Variants in DLGAP2 observed in about 807,000 individuals in gnomAD.
The protein encoded by DLGAP2 is disks large-associated protein 2.
Under a neutral mutation model 100.3 loss-of-function variants are expected in DLGAP2, and 26 were observed. The observed-to-expected ratio is 0.26, with a 90% CI of 0.19 to 0.36. DLGAP2 has a LOEUF of 0.36. Ranked by LOEUF, DLGAP2 falls within the 10% of genes least tolerant of loss-of-function variation. DLGAP2 has a pLI of 1.00. For synonymous variants in DLGAP2, 886 were observed against 630.1 expected, an observed-to-expected ratio of 1.41 and a Z score of -6.08; for missense variants, 1,858 against 1,453.2, an observed-to-expected ratio of 1.28 and a Z score of -4.53.
At chr8:1,011,877 G>A (rs1333935301) in intron 2 of DLGAP2, among the ~76,000 whole-genome samples, 1 of 152,212 alleles carries the variant, frequency 6.6e-6, no homozygotes, top group Non-Finnish European at 1.5e-5. Context: ...CAGGAGTTGT[G>A]GATGGACGTT....
chr8:1,516,547 ATGAG>A (rs1235612537), intron 4 of DLGAP2, among the ~76,000 whole-genome samples: 10 of 150,636 alleles, frequency 6.6e-5, no homozygotes, highest in Admixed American at 1.3e-4. Context: ...GAGTGCATGA[ATGAG>A]TGAGTGAATG....
At chr8:830,423 C>G (rs1796760013) in intron 1 of DLGAP2, among the ~76,000 whole-genome samples, 1 of 152,170 alleles carries the variant, frequency 6.6e-6, no homozygotes, top group Admixed American at 6.5e-5. Context: ...TTTGGACCCA[C>G]TAACCATCCC....
At chr8:1,587,307 C>G (rs940848006) in intron 6 of DLGAP2, among the ~76,000 whole-genome samples, 1 of 152,170 alleles carries the variant, frequency 6.6e-6, no homozygotes, top group African/African-American at 2.4e-5. Context: ...CTATAGTGGT[C>G]TGCCAGCTTC....
At chr8:1,610,457 C>G (rs1187481059) in intron 6 of DLGAP2, among the ~76,000 whole-genome samples, 5 of 147,000 alleles carry the variant, frequency 3.4e-5, no homozygotes, top group African/African-American at 1.3e-4. Context: ...AAATTGACAC[C>G]CTAACATCAC....
intron 3 of DLGAP2, among the ~76,000 whole-genome samples, chr8:1,450,478 G>T (rs1480572330): frequency 4.0e-5 from 6 of 150,492 alleles, no homozygotes; most frequent in Non-Finnish European, 7.4e-5. Flanking sequence ...GAGCTGTGAG[G>T]GTGAAGATGA....
chr8:1,635,491 T>C (rs1797745269), intron 8 of DLGAP2, among the ~76,000 whole-genome samples: 1 of 152,238 alleles, frequency 6.6e-6, no homozygotes, highest in East Asian at 1.9e-4. Flanking sequence ...GATCCATGTA[T>C]ACATGTGTGT....
chr8:1,051,367 T>C (rs1351298350), intron 2 of DLGAP2, among the ~76,000 whole-genome samples: 1 of 152,056 alleles, frequency 6.6e-6, no homozygotes, highest in Non-Finnish European at 1.5e-5. Context: ...ACAAGATCGT[T>C]TTACCCTCAG....
At chr8:1,467,082 G>A (rs374745898) in intron 3 of DLGAP2, among the ~76,000 whole-genome samples, 3 of 152,238 alleles carry the variant, frequency 2.0e-5, no homozygotes, top group African/African-American at 7.2e-5. Flanking sequence ...CCCGGGACCA[G>A]GATGGTCAGT....
At chr8:1,309,213 CA>C (rs1201651510) in intron 3 of DLGAP2, among the ~76,000 whole-genome samples, 1 of 152,008 alleles carries the variant, frequency 6.6e-6, no homozygotes, top group Non-Finnish European at 1.5e-5. Context: ...CAAAAACATC[CA>C]AAATTTGAGG....
At position 1,496,458 on chromosome 8, in the gene DLGAP2, C is replaced by T. The variant is rs144008228; in HGVS notation, c.107-4908C>T. 5.3e-4 allele frequency among the ~76,000 whole-genome samples: 80 copies of T among 152,272 alleles called. No homozygotes were observed. In the East Asian group the frequency reaches 0.012, roughly 22 times the overall value. ...CACCTGGGCCCGGGCCTCTGAGGAC[C>T]GGTTCTGGGAAGCATCCTGCTTCCT... On this transcript the variant is annotated intron_variant, in intron 3 of 14. Coordinates refer to ENST00000637795, the MANE Select transcript of DLGAP2 (RefSeq NM_001346810.2).
chr8:1,555,639 G>C (rs778327658), intron 5 of DLGAP2, among the ~76,000 whole-genome samples: 2 of 152,150 alleles, frequency 1.3e-5, no homozygotes, highest in East Asian at 3.9e-4. Flanking sequence ...CTGTCTCCCC[G>C]GCTGGACTCC....
intron 3 of DLGAP2, chr8:1,369,369 G>A (rs188035715): frequency 3.9e-5 from 6 of 152,438 alleles, no homozygotes; most frequent in Admixed American, 1.3e-4. Flanking sequence ...CCCTCTGTGT[G>A]TGTGTCTGTG....
At chr8:1,071,855 G>A (rs1160685730) in intron 2 of DLGAP2, among the ~76,000 whole-genome samples, 2 of 152,204 alleles carry the variant, frequency 1.3e-5, no homozygotes, top group African/African-American at 2.4e-5. Context: ...AAAGTGACAT[G>A]TCCTTCTGAC....
rs112394555 is a variant in DLGAP2, at chr8:1,388,608, G to T, written c.107-112758G>T. On this transcript the variant is annotated intron_variant, in intron 3 of 14. Coordinates refer to ENST00000637795, the MANE Select transcript of DLGAP2 (RefSeq NM_001346810.2). ...AGGTGTCAGGGCTGTGAGAGCAGAG[G>T]CCGTGGATGGGGAGGCTCTGGTTCA... Among the ~76,000 whole-genome samples the T allele has an allele frequency of 2.2e-4, 19 of 85,902 alleles. 2 individuals are homozygous for T. The East Asian group carries it at 3.8e-3, about 17-fold the overall frequency. 56.4% of individuals were successfully genotyped at this position (85,902 alleles called of 152,430 possible).
intron 3 of DLGAP2, among the ~76,000 whole-genome samples, chr8:1,357,381 T>C (rs1203773870): frequency 6.6e-6 from 1 of 150,440 alleles, no homozygotes; most frequent in African/African-American, 2.4e-5. Context: ...CCCTTCCTGA[T>C]GCATCTGTTG....
At chr8:763,296 G>A (rs1048868471) in intron 1 of DLGAP2, among the ~76,000 whole-genome samples, 19 of 152,160 alleles carry the variant, frequency 1.2e-4, no homozygotes, top group African/African-American at 4.6e-4. Context: ...TGTTAAGGAC[G>A]CACATCGTAT....
chr8:867,437 C>T (rs1406513940), intron 1 of DLGAP2, among the ~76,000 whole-genome samples: 1 of 152,212 alleles, frequency 6.6e-6, no homozygotes, highest in African/African-American at 2.4e-5. Flanking sequence ...TCAGAGGGTT[C>T]TAACAGGCGC....
At chr8:818,553 C>T (rs1050393915) in intron 1 of DLGAP2, among the ~76,000 whole-genome samples, 5 of 152,238 alleles carry the variant, frequency 3.3e-5, no homozygotes, top group African/African-American at 9.6e-5. Context: ...TAGTATGTTC[C>T]TGCCGTAGTT....
intron 1 of DLGAP2, among the ~76,000 whole-genome samples, chr8:752,887 G>A (rs1356198381): frequency 2.0e-5 from 3 of 152,168 alleles, no homozygotes; most frequent in Non-Finnish European, 4.4e-5. Context: ...GGTCCTCAGA[G>A]CAGCCTTCTG....
Sources: gnomAD v4.1 joint callset for allele counts (sites outside exome capture counted in the v4.1 genomes callset) on GRCh38, gnomAD v4.1.1 for gene constraint, MANE v1.5 for transcripts, NCBI Gene and HGNC (gene_info 2026-07-23, HGNC 2026-07-21) for gene names.